Variants in CD86 observed in about 807,000 individuals in gnomAD.
CD86 encodes CD86 molecule.
A neutral mutation model predicts 32.1 loss-of-function variants in CD86; 11 were observed. The ratio of observed to expected loss-of-function variants is 0.34; its 90% CI spans 0.22 to 0.57. The LOEUF is 0.57. CD86 is among the 20% of genes least tolerant of loss of function. The pLI is 0.86. For missense variants in CD86, 359 were observed against 398.4 expected (o/e 0.90, Z 0.84); for synonymous variants, 137 against 135.3 (o/e 1.01, Z -0.09).
chr3:122,105,485 G>A (rs1436921437), intron 3 of CD86, among the ~76,000 whole-genome samples: 2 of 152,146 alleles, frequency 1.3e-5, no homozygotes, highest in Admixed American at 6.5e-5. Flanking sequence ...TCTGACAGAA[G>A]GCACATGACA....
At chr3:122,103,307 G>A (rs546046049) in intron 2 of CD86, among the ~76,000 whole-genome samples, 43 of 152,224 alleles carry the variant, frequency 2.8e-4, no homozygotes, top group Admixed American at 1.6e-3. Context: ...TTTGTACAAG[G>A]CCACACATTT....
chr3:122,105,058 C>T (rs556222528), intron 3 of CD86, among the ~76,000 whole-genome samples: 81 of 152,336 alleles, frequency 5.3e-4, no homozygotes, highest in African/African-American at 1.9e-3. Context: ...TGGAGAGCTG[C>T]TCCCTTTGAA....
At chr3:122,104,262 G>A (rs1438892394) in intron 3 of CD86, among the ~76,000 whole-genome samples, 1 of 152,010 alleles carries the variant, frequency 6.6e-6, no homozygotes. Flanking sequence ...TTTGCCTGGA[G>A]CTCCTAGCAA....
At chr3:122,064,243 G>GA (rs568082048) in intron 1 of CD86, among the ~76,000 whole-genome samples, 17 of 143,934 alleles carry the variant, frequency 1.2e-4, no homozygotes, top group South Asian at 4.4e-4. Context: ...GCACCAAGAG[G>GA]AAAAAAAAAA....
intron 1 of CD86, among the ~76,000 whole-genome samples, chr3:122,073,547 C>T (rs1006892872): frequency 2.0e-5 from 3 of 152,042 alleles, no homozygotes; most frequent in African/African-American, 4.8e-5. Flanking sequence ...TTTACAGTAG[C>T]AGTAAAAATA....
intron 1 of CD86, among the ~76,000 whole-genome samples, chr3:122,059,335 A>G (rs1299540397): frequency 6.6e-6 from 1 of 152,148 alleles, no homozygotes; most frequent in Non-Finnish European, 1.5e-5. Flanking sequence ...AGAAGAATCT[A>G]CAATAGATAC....
rs1250044175 is a variant in CD86 at position 122,120,602 on chromosome 3, G to C, written c.*1068G>C. 6.6e-6 allele frequency: 1 copy of C among 152,262 alleles called. No individual in the cohort carries two copies. The highest frequency in any genetic ancestry group is 1.9e-4 in the East Asian group (1 of 5,192). 9.4% of individuals were successfully genotyped at this position (152,262 alleles called of 1,614,324 possible). A position where few individuals can be genotyped will look rare whatever the true frequency, so the allele number is the denominator to read the frequency against. On this transcript the variant is annotated 3_prime_UTR_variant, in exon 7 of 7. Transcript: ENST00000330540. ...GGGATGTCATCTTCCTGGAAGCAGA[G>C]CTGGGGAGGGAGAGCCATCACCTTG...
chr3:122,077,197 G>A (rs2072567137), intron 1 of CD86, among the ~76,000 whole-genome samples: 1 of 152,124 alleles, frequency 6.6e-6, no homozygotes, highest in Admixed American at 6.5e-5. Flanking sequence ...AGAAAAAGGA[G>A]GCATGCACCT....
Position 122,109,294 on chromosome 3 carries a change from C to G in CD86, c.733C>G (p.His245Asp). 3 of 1,614,032 alleles carry G rather than the reference C, an allele frequency of 1.9e-6. No homozygotes were observed. The highest frequency in any genetic ancestry group is 2.5e-6 in the Non-Finnish European group (3 of 1,179,944). The change falls in exon 5 of 7, where the codon CAC (histidine) becomes GAC (aspartate). Residue 245 changes from histidine to aspartate, a missense_variant. Physicochemically the swap from His to Asp is moderately conservative, Grantham distance 81. Coordinates refer to ENST00000330540, the MANE Select transcript of CD86 (RefSeq NM_175862.5). ...ELEDPQPPPD[H>D]IPWITAVLPT... Reference sequence around the variant, plus strand: ...TGAGGACCCTCAGCCTCCCCCAGACCACATTCCTTGGATTACAGCTGTACT... The same window carrying G: ...TGAGGACCCTCAGCCTCCCCCAGACGACATTCCTTGGATTACAGCTGTACT...
intron 5 of CD86, among the ~76,000 whole-genome samples, chr3:122,112,564 A>C (rs1242441056): frequency 6.6e-6 from 1 of 152,132 alleles, no homozygotes; most frequent in Non-Finnish European, 1.5e-5. Flanking sequence ...ATCCGTTTTT[A>C]ACCAACATTT....
chr3:122,086,142 C>A (rs2107521964), intron 1 of CD86, among the ~76,000 whole-genome samples: 1 of 152,314 alleles, frequency 6.6e-6, no homozygotes, highest in Middle Eastern at 3.4e-3. Context: ...CATGTCTTTA[C>A]AACCCCTCAA....
chr3:122,062,831 T>C (rs1397894894), intron 1 of CD86, among the ~76,000 whole-genome samples: 2 of 152,202 alleles, frequency 1.3e-5, no homozygotes, highest in Non-Finnish European at 2.9e-5. Context: ...ATATAAGATA[T>C]TTTAGGACTC....
Position 122,061,074 on chromosome 3 carries a change from C to T in CD86, c.14+5571C>T, listed in dbSNP as rs140327813. On this transcript the variant is annotated intron_variant, in intron 1 of 6. Transcript: ENST00000330540. The stretch of plus-strand genomic sequence containing the variant: ...GTCACAGCTCTATATTATTAGGTGT[C>T]GAATCAGATTTGCACTAAAACATCA... Among the ~76,000 whole-genome samples the T allele has an allele frequency of 5.5e-3, 842 of 152,158 alleles. 7 individuals are homozygous for T. Among genetic ancestry groups the T allele is most frequent in the African/African-American group, 0.019 (800 of 41,498 alleles).
chr3:122,061,358 A>G (rs2072332326), intron 1 of CD86, among the ~76,000 whole-genome samples: 1 of 152,218 alleles, frequency 6.6e-6, no homozygotes, highest in Non-Finnish European at 1.5e-5. Context: ...AGAAATAGAA[A>G]CCCACAATTA....
intron 5 of CD86, among the ~76,000 whole-genome samples, chr3:122,116,006 C>T (rs2073245164): frequency 6.6e-6 from 1 of 151,982 alleles, no homozygotes; most frequent in African/African-American, 2.4e-5. Context: ...CCTAGACACA[C>T]ACAAAGTAAC....
chr3:122,091,809 A>G (rs2072828143), intron 2 of CD86, 159 bp downstream of exon 2: 2 of 656,278 alleles, frequency 3.0e-6, no homozygotes, highest in South Asian at 3.7e-5. Context: ...AGAAGAAGGA[A>G]GTGTTATGAT....
At chr3:122,072,171 A>G (rs2072497777) in intron 1 of CD86, among the ~76,000 whole-genome samples, 1 of 149,912 alleles carries the variant, frequency 6.7e-6, no homozygotes, top group South Asian at 2.2e-4. Flanking sequence ...GCTATTGTGA[A>G]TAGTGCCACA....
chr3:122,065,842 A>G (rs548196003), intron 1 of CD86, among the ~76,000 whole-genome samples: 2 of 152,136 alleles, frequency 1.3e-5, no homozygotes, highest in Non-Finnish European at 2.9e-5. Flanking sequence ...GGGTGTTGGA[A>G]GAAACTGAAT....
At chr3:122,107,467 CCA>C (rs1221623268) in intron 4 of CD86, among the ~76,000 whole-genome samples, 2 of 152,190 alleles carry the variant, frequency 1.3e-5, no homozygotes, top group Non-Finnish European at 2.9e-5. Flanking sequence ...TAAGCAGTAG[CCA>C]CTAATAGGAG....
Sources: gnomAD v4.1 joint callset for allele counts (sites outside exome capture counted in the v4.1 genomes callset) on GRCh38, gnomAD v4.1.1 for gene constraint, MANE v1.5 for transcripts, NCBI Gene and HGNC (gene_info 2026-07-23, HGNC 2026-07-21) for gene names.